FGFRL1: variants seen among roughly 807,000 people sequenced by gnomAD.
FGFRL1 encodes the protein fibroblast growth factor receptor-like 1.
FGFRL1 carries 24 observed loss-of-function variants against 36.8 expected under a neutral mutation model. The observed-to-expected ratio is 0.65, with a 90% CI of 0.47 to 0.92. FGFRL1 has a LOEUF of 0.92. Among genes scored for constraint, FGFRL1 ranks in the 40% least tolerant of loss-of-function variants. The pLI is 0.00. For missense variants in FGFRL1, 785 were observed against 753.4 expected, an observed-to-expected ratio of 1.04 and a Z score of -0.49; for synonymous variants, 422 against 344.1, an observed-to-expected ratio of 1.23 and a Z score of -2.50.
Position 1,024,673 on chromosome 4 carries a change from C to G in FGFRL1, c.1072+9C>G. The G allele has an allele frequency of 6.3e-7, 1 of 1,589,548 alleles. No homozygotes were observed. The highest frequency in any genetic ancestry group is 8.6e-7 in the Non-Finnish European group (1 of 1,166,080). On this transcript the variant is annotated intron_variant, in intron 6 of 6. Coordinates refer to ENST00000510644, the MANE Select transcript of FGFRL1 (RefSeq NM_001004356.3). ...CCTCACCGTGCTGCCAGGTGCGCGG[C>G]TGCCACGCCACGCCACACCATGCTG...
chr4:1,017,296 G>A (rs748650), intron 2 of FGFRL1, among the ~76,000 whole-genome samples: 68,154 of 152,012 alleles, frequency 0.45, 15,933 homozygotes, highest in Middle Eastern at 0.62. Flanking sequence ...CTGCCAGGAC[G>A]CTCTTGGTCC....
rs367849128 is a variant in FGFRL1, at chr4:1,019,947, C to T, written c.80-2256C>T. ...GCACAGCAGGGAGGCGCCGTGTCTC[C>T]ACTCCCAGCCCCAGCGGCCAATGAT... On this transcript the variant is annotated intron_variant, in intron 2 of 6. Coordinates refer to ENST00000510644, the MANE Select transcript of FGFRL1 (RefSeq NM_001004356.3). 2.0e-4 allele frequency among the ~76,000 whole-genome samples: 30 copies of T among 152,214 alleles called. 1 individual carries two copies. In the East Asian group the frequency reaches 2.1e-3, roughly 11 times the overall value.
At chr4:1,013,718 A>C (rs1016954056) in intron 2 of FGFRL1, among the ~76,000 whole-genome samples, 4 of 152,244 alleles carry the variant, frequency 2.6e-5, no homozygotes, top group Non-Finnish European at 4.4e-5. Flanking sequence ...TCCTCTGGCC[A>C]CTCGGCCAGG....
chr4:1,011,857 GGCGGCGGGAT>G lies in FGFRL1; in HGVS notation c.-107_-98del, dbSNP rs1354296090. ...CCCGAGACCGGGCCCGGGGGCGCGG[GGCGGCGGGAT>G]GCGGCGCCCGGGGCGGCGATGACCG... is the stretch of plus-strand genomic sequence containing the variant. On this transcript the variant is annotated 5_prime_UTR_variant, in exon 1 of 7. An upstream start codon of the reference 5' UTR is lost. Transcript: ENST00000510644. 5 of 144,936 alleles carry G rather than the reference GGCGGCGGGAT, an allele frequency of 3.4e-5. No homozygotes were observed. The East Asian group carries it at 1.0e-3, about 30-fold the overall frequency. The allele number at this position is 144,936 out of a possible 1,614,324, so 9.0% of individuals were successfully genotyped here.
chr4:1,016,558 A>C (rs1715897415), intron 2 of FGFRL1, among the ~76,000 whole-genome samples: 1 of 151,856 alleles, frequency 6.6e-6, no homozygotes, highest in African/African-American at 2.4e-5. Context: ...GGTTCCCCCG[A>C]ATGCTTCCAG....
chr4:1,015,502 G>A (rs1027894275), intron 2 of FGFRL1, among the ~76,000 whole-genome samples: 2 of 152,224 alleles, frequency 1.3e-5, no homozygotes, highest in East Asian at 1.9e-4. Context: ...GGGGCTTCAC[G>A]GGCCAAGGCA....
chr4:1,018,700 C>T (rs1716022374), intron 2 of FGFRL1, among the ~76,000 whole-genome samples: 1 of 152,214 alleles, frequency 6.6e-6, no homozygotes, highest in African/African-American at 2.4e-5. Context: ...CACCAGGTGC[C>T]TGTGCCCTCA....
Position 1,023,501 on chromosome 4 carries a change from G to A in FGFRL1, c.353-140G>A, listed in dbSNP as rs1716308568. On this transcript the variant is annotated intron_variant, in intron 3 of 6. Coordinates refer to ENST00000510644, the MANE Select transcript of FGFRL1 (RefSeq NM_001004356.3). The surrounding 1 kb of genome is among the most constrained non-coding windows in gnomAD (Gnocchi z 6.0). Reference sequence around the variant, plus strand: ...GCTGTCCCTGGGATTCTGGGCTGTGGGTGTGTGGCGCAGCCCCCTGCCTGG... The same window carrying A: ...GCTGTCCCTGGGATTCTGGGCTGTGAGTGTGTGGCGCAGCCCCCTGCCTGG... 1 of 767,566 alleles carries A rather than the reference G, an allele frequency of 1.3e-6. No homozygotes were observed. Among genetic ancestry groups the A allele is most frequent in the Non-Finnish European group, 2.2e-6 (1 of 454,632 alleles). The allele number at this position is 767,566 out of a possible 1,614,324, so 47.5% of individuals were successfully genotyped here. A position where few individuals can be genotyped will look rare whatever the true frequency, so the allele number is the denominator to read the frequency against.
At chr4:1,022,516 A>T in intron 3 of FGFRL1, 41 bp downstream of exon 3, 1 of 1,553,944 alleles carries the variant, frequency 6.4e-7, no homozygotes, top group Non-Finnish European at 8.7e-7. Flanking sequence ...GCTGGGTTGG[A>T]GCCAGGCAGG....
In FGFRL1 at chr4:1,012,416, A is replaced by G; in HGVS notation, c.-16-54A>G. 5.8e-6 allele frequency: 9 copies of G among 1,561,712 alleles called. No individual in the cohort carries two copies. In the South Asian group the frequency reaches 8.0e-5, roughly 14 times the overall value. The stretch of plus-strand genomic sequence containing the variant: ...TGATCCCCGCGGCCCGGGACCGGGG[A>G]GGGCGGTATCTCCCAGTTCCACGTG... On this transcript the variant is annotated intron_variant, in intron 1 of 6. Coordinates refer to ENST00000510644, the MANE Select transcript of FGFRL1 (RefSeq NM_001004356.3).
intron 2 of FGFRL1, among the ~76,000 whole-genome samples, chr4:1,013,089 G>C (rs1437821524): frequency 6.6e-6 from 1 of 152,218 alleles, no homozygotes; most frequent in Non-Finnish European, 1.5e-5. Flanking sequence ...CCCAGCTCTA[G>C]GCAGGCAGTG....
Position 1,025,488 on chromosome 4 carries a change from A to C in FGFRL1, c.*141A>C. The C allele has an allele frequency of 1.0e-6, 1 of 1,004,490 alleles. No individual in the cohort carries two copies. The highest frequency in any genetic ancestry group is 1.5e-6 in the Non-Finnish European group (1 of 688,466). The allele number at this position is 1,004,490 out of a possible 1,614,324, so 62.2% of individuals were successfully genotyped here. ...ACCCCAGGCAGTCTGTGTGTGAGGCATAGCCCCTGGACACACACACACAGA... is the reference window on the plus strand; with the variant it reads ...ACCCCAGGCAGTCTGTGTGTGAGGCCTAGCCCCTGGACACACACACACAGA... On this transcript the variant is annotated 3_prime_UTR_variant, in exon 7 of 7. Transcript: ENST00000510644.
At chr4:1,010,262 G>T (rs1452525442), upstream of FGFRL1, 7 of 152,280 alleles carry the variant, frequency 4.6e-5, no homozygotes, top group East Asian at 1.2e-3. Flanking sequence ...GCGGTCCCTG[G>T]ACCCTTCCCC....
chr4:1,019,639 G>A (rs1443774310), intron 2 of FGFRL1, among the ~76,000 whole-genome samples: 1 of 152,180 alleles, frequency 6.6e-6, no homozygotes, highest in Non-Finnish European at 1.5e-5. Flanking sequence ...CCAGCCCTGG[G>A]CAGCTCACAG....
rs1481502435 is a variant in FGFRL1, at chr4:1,016,331, G to A, written c.79+3767G>A. On this transcript the variant is annotated intron_variant, in intron 2 of 6. Transcript: ENST00000510644. ...AGGGGAGGCCTGGGGACTGCAGCCC[G>A]GCAGGCTGGGGTTTTGAGGTGGGGG... Among the ~76,000 whole-genome samples the A allele has an allele frequency of 5.9e-5, 9 of 152,070 alleles. No homozygotes were observed. In the South Asian group the frequency reaches 8.3e-4, roughly 14 times the overall value.
intron 3 of FGFRL1, among the ~76,000 whole-genome samples, chr4:1,022,848 G>A (rs1467855104): frequency 6.6e-6 from 1 of 152,026 alleles, no homozygotes; most frequent in Non-Finnish European, 1.5e-5. Flanking sequence ...GCCGGGATGC[G>A]TGGCCTTTCT....
rs1312923368 is a variant in FGFRL1 at position 1,026,816 on chromosome 4, C to T, written c.*1469C>T. The stretch of plus-strand genomic sequence containing the variant: ...CCACTGTCGTGGTGGCCCCAGATCT[C>T]TGTAATTTTATGTAGAGTTTGAGCT... On this transcript the variant is annotated 3_prime_UTR_variant, in exon 7 of 7. Coordinates refer to ENST00000510644, the MANE Select transcript of FGFRL1 (RefSeq NM_001004356.3). The T allele has an allele frequency of 6.6e-6, 3 of 455,328 alleles. No individual in the cohort carries two copies. The highest frequency in any genetic ancestry group is 2.4e-5 in the Admixed American group (1 of 42,476). 28.2% of individuals were successfully genotyped at this position (455,328 alleles called of 1,614,324 possible).
chr4:1,025,406 T>C lies in FGFRL1; in HGVS notation c.*59T>C, dbSNP rs545104718. ...CGGCCAGACAGGCAGACTGGGAGGA[T>C]GGAGGACGGAGCTGCAGACGAAGGC... On this transcript the variant is annotated 3_prime_UTR_variant, in exon 7 of 7. Transcript: ENST00000510644. 13 of 1,498,998 alleles carry C rather than the reference T, an allele frequency of 8.7e-6. No homozygotes were observed. The East Asian group carries it at 2.0e-4, about 23-fold the overall frequency. The allele number at this position is 1,498,998 out of a possible 1,614,324, so 92.9% of individuals were successfully genotyped here.
intron 2 of FGFRL1, 38 bp downstream of exon 2, chr4:1,012,602 G>A (rs772703070): frequency 4.1e-6 from 4 of 981,728 alleles, no homozygotes; most frequent in Non-Finnish European, 5.7e-6. Flanking sequence ...CCTGGCCTCC[G>A]CCAGCGCCGC....
Sources: allele counts gnomAD v4.1 joint callset (sites outside exome capture counted in the v4.1 genomes callset), GRCh38; gene constraint gnomAD v4.1.1; non-coding constraint Gnocchi (gnomAD v3.1); transcripts MANE v1.5; gene names NCBI Gene and HGNC (gene_info 2026-07-23, HGNC 2026-07-21).